Variants in NT5DC3 observed in about 807,000 individuals in gnomAD.
NT5DC3 encodes the protein 5'-nucleotidase domain-containing protein 3.
A neutral mutation model predicts 67.8 loss-of-function variants in NT5DC3; 42 were observed. That is an observed-to-expected ratio of 0.62 (90% CI 0.48 to 0.80). NT5DC3 has a LOEUF of 0.80. Ranked by LOEUF, NT5DC3 falls within the 30% of genes least tolerant of loss-of-function variation. The probability of loss-of-function intolerance (pLI) is 0.00; values close to 1 mark genes in which losing one functional copy is unlikely to be tolerated. For missense variants in NT5DC3, 570 were observed against 696.4 expected (o/e 0.82, Z 2.04); for synonymous variants, 237 against 255.6 (o/e 0.93, Z 0.69).
chr12:103,801,956 C>A (rs1017170627), intron 4 of NT5DC3: 7 of 152,322 alleles, frequency 4.6e-5, no homozygotes, highest in African/African-American at 1.2e-4. Flanking sequence ...CAGGAGGAAA[C>A]CAAGGCTTTC....
intron 2 of NT5DC3, among the ~76,000 whole-genome samples, chr12:103,811,818 T>C (rs930647714): frequency 2.6e-5 from 4 of 152,152 alleles, no homozygotes; most frequent in Non-Finnish European, 4.4e-5. Context: ...AACTCAGTAT[T>C]TGCAACCTTT....
chr12:103,766,059 T>C, downstream of NT5DC3: 1 of 674,390 alleles, frequency 1.5e-6, no homozygotes, highest in Non-Finnish European at 2.7e-6. Context: ...TTGGGATGAT[T>C]TGTCTTGGGC....
At chr12:103,787,575 GTC>G in intron 10 of NT5DC3, 48 bp from the exon 11 acceptor site, 7 of 1,080,160 alleles carry the variant, frequency 6.5e-6, no homozygotes, top group Non-Finnish European at 6.8e-6. Flanking sequence ...ATAGAGATCT[GTC>G]TAACCCACAG....
chr12:103,840,920 C>A lies in NT5DC3; in HGVS notation c.208+29G>T, dbSNP rs765580165. On this transcript the variant is annotated intron_variant, in intron 1 of 13. Coordinates refer to ENST00000392876, the MANE Select transcript of NT5DC3 (RefSeq NM_001031701.3). ...CTGAGCGCGCAGGAGGGGCCCCAGG[C>A]GCCGGGGCGGGGTCGCCGCCTCACT... 3.2e-5 allele frequency: 42 copies of A among 1,299,674 alleles called. 1 individual carries two copies. Among genetic ancestry groups the A allele is most frequent in the Non-Finnish European group, 1.5e-5 (15 of 1,001,210 alleles). 80.5% of individuals were successfully genotyped at this position (1,299,674 alleles called of 1,614,324 possible). A position where few individuals can be genotyped will look rare whatever the true frequency, so the allele number is the denominator to read the frequency against.
intron 1 of NT5DC3, among the ~76,000 whole-genome samples, chr12:103,832,761 T>C (rs1415731251): frequency 6.6e-6 from 1 of 152,200 alleles, no homozygotes; most frequent in Non-Finnish European, 1.5e-5. Flanking sequence ...TCTGCCTCCA[T>C]AAGGATCATT....
At chr12:103,795,818 A>T (rs1247668956) in intron 6 of NT5DC3, among the ~76,000 whole-genome samples, 1 of 152,232 alleles carries the variant, frequency 6.6e-6, no homozygotes, top group Non-Finnish European at 1.5e-5. Flanking sequence ...ATAAATTTAT[A>T]AATACAAATG....
the NT5DC3 span, chr12:103,763,459 G>A: frequency 1.2e-6 from 2 of 1,601,816 alleles, no homozygotes; most frequent in Admixed American, 1.7e-5. Context: ...CTTTGGGGAT[G>A]CTCCTGGCTT....
intron 12 of NT5DC3, 90 bp downstream of exon 12, chr12:103,785,245 T>A (rs1885713802): frequency 7.7e-7 from 1 of 1,291,042 alleles, no homozygotes; most frequent in African/African-American, 1.5e-5. Flanking sequence ...AAGCCTCATA[T>A]TTTATAACAA....
At chr12:103,788,093 G>A (rs1436319390) in intron 10 of NT5DC3, among the ~76,000 whole-genome samples, 1 of 151,884 alleles carries the variant, frequency 6.6e-6, no homozygotes, top group Non-Finnish European at 1.5e-5. Context: ...AATGGTCACC[G>A]ATGCAATAAT....
At chr12:103,765,990 C>T, downstream of NT5DC3, 1 of 522,938 alleles carries the variant, frequency 1.9e-6, no homozygotes, top group Middle Eastern at 2.9e-4. Context: ...TAATTTAATC[C>T]TCCTACCTCC....
At chr12:103,748,923 G>C in the NT5DC3 span, 1 of 1,584,866 alleles carries the variant, frequency 6.3e-7, no homozygotes, top group Admixed American at 1.7e-5. Context: ...TAGTTCCACA[G>C]AAGGTGGTAA....
intron 2 of NT5DC3, among the ~76,000 whole-genome samples, chr12:103,808,993 T>C (rs1352173647): frequency 6.6e-6 from 1 of 152,208 alleles, no homozygotes; most frequent in Admixed American, 6.5e-5. Flanking sequence ...TATTGAATAA[T>C]CTGAAGATCA....
chr12:103,785,102 G>T (rs981900695), intron 12 of NT5DC3, among the ~76,000 whole-genome samples: 2 of 152,210 alleles, frequency 1.3e-5, no homozygotes, highest in Non-Finnish European at 2.9e-5. Flanking sequence ...GCAGGCTTCA[G>T]TGTGGAAGTG....
At chr12:103,765,832 A>G (rs183497043), downstream of NT5DC3, among the ~76,000 whole-genome samples, 8 of 152,308 alleles carry the variant, frequency 5.3e-5, no homozygotes, top group African/African-American at 1.7e-4. Flanking sequence ...GCGAGCCACC[A>G]TGCCCGGCTG....
chr12:103,840,606 G>C (rs1888373786), intron 1 of NT5DC3, among the ~76,000 whole-genome samples: 1 of 152,098 alleles, frequency 6.6e-6, no homozygotes, highest in Non-Finnish European at 1.5e-5. Context: ...CGGTGCGTGG[G>C]AGTGGCCGGC....
At position 103,777,428 on chromosome 12, in the gene NT5DC3, C is replaced by A. The variant is rs980404564; in HGVS notation, c.*401G>T. On this transcript the variant is annotated 3_prime_UTR_variant, in exon 14 of 14. Transcript: ENST00000392876. The stretch of plus-strand genomic sequence containing the variant: ...CAGCTAATCTTTGCCCATCACTGTG[C>A]CCCTGCAGTTCCCAATGCATAGCCC... 27 of 181,002 alleles carry A rather than the reference C, an allele frequency of 1.5e-4. No homozygotes were observed. The highest frequency in any genetic ancestry group is 6.1e-4 in the African/African-American group (26 of 42,350). 11.2% of individuals were successfully genotyped at this position (181,002 alleles called of 1,614,324 possible).
rs767554232 is a variant in NT5DC3, at chr12:103,777,921, G to C, written c.1555C>G (p.Arg519Gly). 6.2e-7 allele frequency: 1 copy of C among 1,614,188 alleles called. No homozygotes were observed. Residue 519 changes from arginine (R) to glycine (G), a missense_variant, in exon 14 of 14, where the codon CGG becomes GGG. Transcript: ENST00000392876. ...NYDVSHTFYP[R>G]RTPLQHELPA... ...AGTTCGTGCTGCAGTGGAGTCCTCCGGGGGTAGAAAGTGTGGCTGACGTCA... is the reference window on the plus strand; with the variant it reads ...AGTTCGTGCTGCAGTGGAGTCCTCCCGGGGTAGAAAGTGTGGCTGACGTCA...
chr12:103,787,830 G>A (rs1414183672), intron 10 of NT5DC3, among the ~76,000 whole-genome samples: 2 of 151,944 alleles, frequency 1.3e-5, no homozygotes, highest in Non-Finnish European at 1.5e-5. Flanking sequence ...GATTCCTTTC[G>A]CCAATTCCCT....
rs1051252767 is a variant in NT5DC3 at position 103,822,321 on chromosome 12, AT to A, written c.209-7201del. Among the ~76,000 whole-genome samples, 14 of 152,334 alleles carry A rather than the reference AT, an allele frequency of 9.2e-5. 1 individual carries two copies. Among genetic ancestry groups the A allele is most frequent in the Admixed American group, 2.0e-4 (3 of 15,300 alleles). On this transcript the variant is annotated intron_variant, in intron 1 of 13. Transcript: ENST00000392876. ...AGAGGTGAGTATATTAGACCAAAAAATTGAAAAGACAAACAGCAATGGTCTA... is the reference window on the plus strand; with the variant it reads ...AGAGGTGAGTATATTAGACCAAAAAATGAAAAGACAAACAGCAATGGTCTA...
Sources: allele counts gnomAD v4.1 joint callset (sites outside exome capture counted in the v4.1 genomes callset), GRCh38; gene constraint gnomAD v4.1.1; transcripts MANE v1.5; gene names NCBI Gene and HGNC (gene_info 2026-07-23, HGNC 2026-07-21).